The following SRRM3 variants were observed in gnomAD, a reference collection of about 807,000 sequenced individuals.
SRRM3 encodes serine/arginine repetitive matrix protein 3.
Under a neutral mutation model 66.2 loss-of-function variants are expected in SRRM3, and 27 were observed. The ratio of observed to expected loss-of-function variants is 0.41; its 90% confidence interval spans 0.30 to 0.56. The LOEUF is 0.56. Ranked by LOEUF, SRRM3 falls within the 20% of genes least tolerant of loss-of-function variation. The pLI is 0.32. For missense variants in SRRM3, 918 were observed against 991.9 expected, an observed-to-expected ratio of 0.93 and a Z score of 1.00; for synonymous variants, 391 against 414.9, an observed-to-expected ratio of 0.94 and a Z score of 0.70.
At chr7:76,254,906 A>C (rs1554607458) in intron 3 of SRRM3, among the ~76,000 whole-genome samples, 1 of 151,828 alleles carries the variant, frequency 6.6e-6, no homozygotes, top group Non-Finnish European at 1.5e-5. Flanking sequence ...AGAAAAGAGA[A>C]GTTTAAACAA....
chr7:76,222,304 C>G (rs535956186), intron 1 of SRRM3, among the ~76,000 whole-genome samples: 18 of 151,436 alleles, frequency 1.2e-4, no homozygotes, highest in African/African-American at 4.4e-4. Context: ...TGGCCAGCTA[C>G]TTGGGAGGCT....
chr7:76,215,394 G>GT (rs1170079332), intron 1 of SRRM3, among the ~76,000 whole-genome samples: 4,424 of 95,100 alleles, frequency 0.047, 726 homozygotes, highest in African/African-American at 0.16. Context: ...GGAGCCCGCA[G>GT]TTTTTTTTTT....
chr7:76,252,695 C>T (rs1370079048), intron 3 of SRRM3, among the ~76,000 whole-genome samples: 1 of 152,098 alleles, frequency 6.6e-6, no homozygotes, highest in Non-Finnish European at 1.5e-5. Flanking sequence ...CTCAAGTGAT[C>T]CTCTCACCTT....
intron 11 of SRRM3, among the ~76,000 whole-genome samples, chr7:76,279,295 CT>C (rs1398367921): frequency 6.6e-6 from 1 of 151,938 alleles, no homozygotes; most frequent in Non-Finnish European, 1.5e-5. Context: ...GCCAAAAGAG[CT>C]TGGTCCAGGC....
chr7:76,252,914 A>C (rs2117038014), intron 3 of SRRM3, among the ~76,000 whole-genome samples: 1 of 152,232 alleles, frequency 6.6e-6, no homozygotes, highest in East Asian at 1.9e-4. Context: ...CTGTAATCCC[A>C]GCACTTTGGG....
At chr7:76,273,622 T>C (rs1485337657) in intron 11 of SRRM3, 2 of 152,230 alleles carry the variant, frequency 1.3e-5, no homozygotes, top group Admixed American at 6.5e-5. Context: ...CGCTGTGCGC[T>C]CTCGCTCCCA....
At chr7:76,205,768 A>G (rs1554601077) in intron 1 of SRRM3, among the ~76,000 whole-genome samples, 1 of 152,218 alleles carries the variant, frequency 6.6e-6, no homozygotes, top group East Asian at 1.9e-4. Flanking sequence ...TAGATGGGCC[A>G]CTGGGCCTGT....
chr7:76,205,083 G>A lies in SRRM3; in HGVS notation c.-40+3016G>A, dbSNP rs782166233. On this transcript the variant is annotated intron_variant, in intron 1 of 14. Coordinates refer to ENST00000611745, the MANE Select transcript of SRRM3 (RefSeq NM_001110199.3). ...TCCGCAACTCCTTCACTGAGCCAAG[G>A]TGTTGGAACTGAGAAGGAAATTCAC... Among the ~76,000 whole-genome samples, 9 of 151,904 alleles carry A rather than the reference G, an allele frequency of 5.9e-5. No homozygotes were observed. The South Asian group carries it at 1.0e-3, about 18-fold the overall frequency.
chr7:76,204,378 T>TG (rs1554600905), intron 1 of SRRM3, among the ~76,000 whole-genome samples: 1 of 152,186 alleles, frequency 6.6e-6, no homozygotes, highest in Admixed American at 6.6e-5. Context: ...TAACTTCGTA[T>TG]ACATGATCTC....
At chr7:76,241,973 A>G (rs367618152) in intron 2 of SRRM3, among the ~76,000 whole-genome samples, 1 of 152,212 alleles carries the variant, frequency 6.6e-6, no homozygotes, top group Non-Finnish European at 1.5e-5. Context: ...AGGCTTGTAC[A>G]GAAGCATGGC....
intron 1 of SRRM3, among the ~76,000 whole-genome samples, chr7:76,208,154 G>A (rs568131616): frequency 3.3e-5 from 5 of 152,282 alleles, no homozygotes; most frequent in Admixed American, 3.3e-4. Context: ...GGACATGAGA[G>A]CATCACATAT....
intron 11 of SRRM3, chr7:76,269,361 G>C: frequency 6.6e-6 from 1 of 152,224 alleles, no homozygotes; most frequent in Non-Finnish European, 1.5e-5. Flanking sequence ...TCTCAAACCT[G>C]CATTCAGATC....
intron 1 of SRRM3, among the ~76,000 whole-genome samples, chr7:76,205,833 C>G (rs997068378): frequency 6.6e-6 from 1 of 152,180 alleles, no homozygotes; most frequent in Non-Finnish European, 1.5e-5. Context: ...TGACTTGGGA[C>G]AGGTGAATTT....
chr7:76,268,282 C>T (rs1047661530), intron 11 of SRRM3: 10 of 152,022 alleles, frequency 6.6e-5, no homozygotes, highest in African/African-American at 2.4e-4. Context: ...GGGGCTTCTC[C>T]CAGACCCCAG....
At chr7:76,225,323 T>C (rs1203144099) in intron 1 of SRRM3, among the ~76,000 whole-genome samples, 2 of 152,210 alleles carry the variant, frequency 1.3e-5, no homozygotes, top group Non-Finnish European at 2.9e-5. Flanking sequence ...ACAGACGAAG[T>C]GCTCAAGTGC....
At chr7:76,254,054 C>T (rs1432657869) in intron 3 of SRRM3, among the ~76,000 whole-genome samples, 1 of 152,054 alleles carries the variant, frequency 6.6e-6, no homozygotes, top group African/African-American at 2.4e-5. Flanking sequence ...GTCTCACTGT[C>T]ACCCAGGCTG....
rs1293556127 is a variant in SRRM3 at position 76,281,661 on chromosome 7, G to A, written c.1229G>A (p.Arg410His). The change falls in exon 12 of 15, where the codon CGC becomes CAC. Residue 410 changes from arginine (R) to histidine (H), a missense_variant. Transcript: ENST00000611745. ...GCGCCCCGCCGCAGGGGTCGCCGGC[G>A]CCCCCGGCCCGCGCCCCCCCGGGGC... The part of the protein sequence containing the change: ...ASAPRRRGRR[R>H]PRPAPPRGSS... 75 of 978,414 alleles carry A rather than the reference G, an allele frequency of 7.7e-5. No homozygotes were observed. The African/African-American group carries it at 1.3e-3, about 17-fold the overall frequency. 60.6% of individuals were successfully genotyped at this position (978,414 alleles called of 1,614,324 possible). A position where few individuals can be genotyped will look rare whatever the true frequency, so the allele number is the denominator to read the frequency against.
rs1554608392 is a variant in SRRM3, at chr7:76,260,164, A to G, written c.512A>G (p.Lys171Arg). The change falls in exon 5 of 15, where the codon AAG becomes AGG. Residue 171 changes from lysine (K) to arginine (R), a missense_variant. Lys to Arg is a conservative substitution (Grantham distance 26). Coordinates refer to ENST00000611745, the MANE Select transcript of SRRM3 (RefSeq NM_001110199.3). ...SSSASPPPKK[K>R]KKKKGGHRRS... Reference sequence around the variant, plus strand: ...TCGGCATCGCCCCCTCCCAAGAAAAAGAAGAAAAAGAAAGGCGGCCACCGG... The same window carrying G: ...TCGGCATCGCCCCCTCCCAAGAAAAGGAAGAAAAAGAAAGGCGGCCACCGG... 6.5e-7 allele frequency: 1 copy of G among 1,540,056 alleles called. No individual in the cohort carries two copies. The highest frequency in any genetic ancestry group is 8.7e-7 in the Non-Finnish European group (1 of 1,144,194).
chr7:76,285,678 C>G lies in SRRM3; in HGVS notation c.1797C>G (p.Ser599Arg). 1 of 1,551,222 alleles carries G rather than the reference C, an allele frequency of 6.4e-7. No homozygotes were observed. Among genetic ancestry groups the G allele is most frequent in the Non-Finnish European group, 8.7e-7 (1 of 1,146,940 alleles). The change falls in exon 15 of 15, where the codon AGC becomes AGG. Residue 599 changes from serine to arginine, a missense_variant. Transcript: ENST00000611745. The surrounding 1 kb of genome is among the most constrained non-coding windows in gnomAD (Gnocchi z 4.1). ...PSPSSSSSCL[S>R]SDYSTRSHSR... ...CCTCTTCCTCCTCCAGCTGCTTGAG[C>G]AGCGACTACTCGACCCGGAGCCACA...
Sources: gnomAD v4.1 joint callset for allele counts (sites outside exome capture counted in the v4.1 genomes callset) on GRCh38, gnomAD v4.1.1 for gene constraint, Gnocchi (gnomAD v3.1) non-coding constraint, MANE v1.5 for transcripts, NCBI Gene and HGNC (gene_info 2026-07-23, HGNC 2026-07-21) for gene names.